Variants in ARB2A observed in about 807,000 individuals in gnomAD.
ARB2A encodes ARB2 cotranscriptional regulator A.
At chr5:93,705,169 T>A in the ARB2A span, among the ~76,000 whole-genome samples, 1 of 152,182 alleles carries the variant, frequency 6.6e-6, no homozygotes, top group Non-Finnish European at 1.5e-5. Context: ...CTTGGATGCA[T>A]GCAACATAAG....
chr5:93,844,132 CA>C, the ARB2A span, among the ~76,000 whole-genome samples: 23 of 140,530 alleles, frequency 1.6e-4, no homozygotes, highest in South Asian at 4.6e-4. Context: ...AAAAAAAAAA[CA>C]AAAAAAAAAC....
At chr5:94,062,382 T>C in the ARB2A span, among the ~76,000 whole-genome samples, 6 of 152,038 alleles carry the variant, frequency 3.9e-5, no homozygotes, top group African/African-American at 1.2e-4. Context: ...TCGTCGAAGA[T>C]AGAACACTCT....
the ARB2A span, among the ~76,000 whole-genome samples, chr5:94,054,138 T>C: frequency 6.6e-6 from 1 of 152,166 alleles, no homozygotes; most frequent in Admixed American, 6.5e-5. Context: ...TACCCTTTAC[T>C]CACTTTCCCC....
At chr5:93,950,191 T>C in the ARB2A span, among the ~76,000 whole-genome samples, 9 of 152,312 alleles carry the variant, frequency 5.9e-5, no homozygotes, top group South Asian at 1.9e-3. Context: ...CAGATATCTC[T>C]TTGATAAACT....
At chr5:93,888,696 T>C in the ARB2A span, among the ~76,000 whole-genome samples, 2 of 151,858 alleles carry the variant, frequency 1.3e-5, no homozygotes, top group Non-Finnish European at 2.9e-5. Context: ...AAGCTAATCA[T>C]AAAAGCTGTT....
At chr5:93,688,756 A>G in the ARB2A span, among the ~76,000 whole-genome samples, 1 of 152,252 alleles carries the variant, frequency 6.6e-6, no homozygotes, top group South Asian at 2.1e-4. Context: ...GCATCCACAC[A>G]ATTGCCCAAA....
the ARB2A span, chr5:93,620,964 C>T: frequency 1.3e-6 from 2 of 1,599,576 alleles, no homozygotes; most frequent in African/African-American, 1.3e-5. Context: ...CCAGGGCGGC[C>T]TCCCCCGTCG....
At chr5:93,798,481 A>C in the ARB2A span, among the ~76,000 whole-genome samples, 2 of 152,248 alleles carry the variant, frequency 1.3e-5, no homozygotes, top group South Asian at 2.1e-4. Context: ...TTATAAATAC[A>C]GGGCAATTAT....
At chr5:94,064,537 C>T in the ARB2A span, among the ~76,000 whole-genome samples, 2 of 152,140 alleles carry the variant, frequency 1.3e-5, no homozygotes, top group Non-Finnish European at 2.9e-5. Flanking sequence ...TTCTCCATCA[C>T]ATATTATAGT....
chr5:93,969,121 C>A, the ARB2A span, among the ~76,000 whole-genome samples: 1 of 144,686 alleles, frequency 6.9e-6, no homozygotes, highest in Admixed American at 7.1e-5. Flanking sequence ...TGGATCAACA[C>A]AAAGAAACAG....
the ARB2A span, among the ~76,000 whole-genome samples, chr5:93,866,475 T>C: frequency 1.3e-5 from 2 of 151,974 alleles, no homozygotes; most frequent in African/African-American, 4.8e-5. Flanking sequence ...TACACGCAGC[T>C]GCTGAGGAAA....
the ARB2A span, among the ~76,000 whole-genome samples, chr5:93,935,454 T>C: frequency 2.0e-5 from 3 of 152,158 alleles, no homozygotes; most frequent in Non-Finnish European, 2.9e-5. Flanking sequence ...TAACAGCATG[T>C]ACAAAGCATA....
chr5:93,983,200 TGTGTGTGTGTG>T, the ARB2A span, among the ~76,000 whole-genome samples: 1 of 149,896 alleles, frequency 6.7e-6, no homozygotes, highest in African/African-American at 2.5e-5. Flanking sequence ...TGTGTGTGTG[TGTGTGTGTGTG>T]TGTGTGTGTG....
the ARB2A span, chr5:93,736,200 A>T: frequency 6.6e-6 from 1 of 152,200 alleles, no homozygotes; most frequent in East Asian, 1.9e-4. Context: ...TATATTCTTG[A>T]GTAAATAAAC....
the ARB2A span, among the ~76,000 whole-genome samples, chr5:93,697,119 A>G: frequency 6.7e-6 from 1 of 149,918 alleles, no homozygotes; most frequent in South Asian, 2.1e-4. Flanking sequence ...TTCCCGTCGT[A>G]GTGAGAAAAA....
At chr5:93,806,523 G>A in the ARB2A span, among the ~76,000 whole-genome samples, 1 of 151,606 alleles carries the variant, frequency 6.6e-6, no homozygotes. Flanking sequence ...CACAACTCAG[G>A]TATATACTTC....
chr5:93,888,420 G>GA, the ARB2A span, among the ~76,000 whole-genome samples: 2 of 151,690 alleles, frequency 1.3e-5, no homozygotes, highest in Non-Finnish European at 3.0e-5. Context: ...TTAGGAAATC[G>GA]AAAAGATACC....
At chr5:93,880,673 T>C in the ARB2A span, among the ~76,000 whole-genome samples, 2 of 151,736 alleles carry the variant, frequency 1.3e-5, no homozygotes, top group Non-Finnish European at 3.0e-5. Context: ...GACAAATGTC[T>C]CATATATATA....
chr5:93,913,248 T>C, the ARB2A span, among the ~76,000 whole-genome samples: 1 of 151,886 alleles, frequency 6.6e-6, no homozygotes, highest in Non-Finnish European at 1.5e-5. Flanking sequence ...GTGTTTAAAC[T>C]AATCAACAAG....
Sources: allele counts gnomAD v4.1 joint callset (sites outside exome capture counted in the v4.1 genomes callset), GRCh38; gene constraint gnomAD v4.1.1; transcripts MANE v1.5; gene names NCBI Gene and HGNC (gene_info 2026-07-23, HGNC 2026-07-21).